CLYBL: variants seen among roughly 807,000 people sequenced by gnomAD.
CLYBL encodes citramalyl-CoA lyase, mitochondrial.
CLYBL carries 31 observed loss-of-function variants against 38.9 expected under a neutral mutation model. That is an observed-to-expected ratio of 0.80 (90% CI 0.60 to 1.08). CLYBL has a LOEUF of 1.08. CLYBL is among the 50% of genes least tolerant of loss of function. The pLI is 0.00. For missense variants in CLYBL, 434 were observed against 411.6 expected (o/e 1.05, Z -0.47); for synonymous variants, 171 against 158.6 (o/e 1.08, Z -0.59).
At chr13:99,881,589 ATTT>A (rs1017589977) in intron 7 of CLYBL, among the ~76,000 whole-genome samples, 2 of 136,238 alleles carry the variant, frequency 1.5e-5, no homozygotes, top group Non-Finnish European at 3.2e-5. Context: ...CATCCAGTTA[ATTT>A]TTTTTTTTTT....
intron 1 of CLYBL, among the ~76,000 whole-genome samples, chr13:99,637,715 G>A (rs1371098681): frequency 2.6e-5 from 4 of 152,146 alleles, no homozygotes; most frequent in African/African-American, 7.2e-5. Flanking sequence ...CTGAGATCGC[G>A]CCACTGCATT....
chr13:99,609,170 T>G (rs1372910724), intron 1 of CLYBL, among the ~76,000 whole-genome samples: 1 of 12,206 alleles, frequency 8.2e-5, no homozygotes, highest in Non-Finnish European at 2.5e-4. Context: ...CCTGTCTTTG[T>G]TTTTTTTTTT....
At chr13:99,722,835 C>T (rs1446651986) in intron 1 of CLYBL, among the ~76,000 whole-genome samples, 2 of 152,356 alleles carry the variant, frequency 1.3e-5, no homozygotes, top group African/African-American at 2.4e-5. Flanking sequence ...ACTGAGTTCC[C>T]ATGCCGCTTG....
chr13:99,775,615 C>T (rs745326100), intron 2 of CLYBL, among the ~76,000 whole-genome samples: 21 of 151,970 alleles, frequency 1.4e-4, no homozygotes, highest in Non-Finnish European at 2.5e-4. Context: ...CTCAAGCAGT[C>T]CTCCCACCTC....
chr13:99,693,658 G>A (rs1661948352), intron 1 of CLYBL, among the ~76,000 whole-genome samples: 1 of 151,938 alleles, frequency 6.6e-6, no homozygotes, highest in Non-Finnish European at 1.5e-5. Flanking sequence ...CCCAGTATTT[G>A]GGGGCACACT....
chr13:99,734,665 A>G (rs540332978), intron 1 of CLYBL, among the ~76,000 whole-genome samples: 1 of 152,314 alleles, frequency 6.6e-6, no homozygotes, highest in African/African-American at 2.4e-5. Flanking sequence ...TTATTTGTCC[A>G]TGGCTACACC....
chr13:99,824,178 C>A (rs1594205117), intron 2 of CLYBL, among the ~76,000 whole-genome samples: 1 of 152,086 alleles, frequency 6.6e-6, no homozygotes, highest in African/African-American at 2.4e-5. Flanking sequence ...CCAAGAGATT[C>A]CGGAATGGTT....
chr13:99,857,568 C>G (rs1038703486), intron 2 of CLYBL, among the ~76,000 whole-genome samples: 1 of 152,084 alleles, frequency 6.6e-6, no homozygotes, highest in African/African-American at 2.4e-5. Flanking sequence ...GGTACTCTTC[C>G]CATCTGACCC....
At chr13:99,726,069 T>A (rs950499572) in intron 1 of CLYBL, among the ~76,000 whole-genome samples, 22 of 152,230 alleles carry the variant, frequency 1.4e-4, no homozygotes. Flanking sequence ...TAAGGCAAGA[T>A]TTCAGAATTA....
intron 2 of CLYBL, among the ~76,000 whole-genome samples, chr13:99,843,569 A>G (rs2051132923): frequency 1.3e-5 from 2 of 152,118 alleles, no homozygotes; most frequent in African/African-American, 4.8e-5. Flanking sequence ...AATGAAATGA[A>G]CATATTAATG....
chr13:99,845,535 C>T (rs2051180244), intron 2 of CLYBL, among the ~76,000 whole-genome samples: 2 of 152,178 alleles, frequency 1.3e-5, no homozygotes, highest in Non-Finnish European at 2.9e-5. Flanking sequence ...GTGGAAAGCG[C>T]GATGGAAATC....
chr13:99,688,221 C>A (rs2047846359), intron 1 of CLYBL, among the ~76,000 whole-genome samples: 1 of 151,792 alleles, frequency 6.6e-6, no homozygotes, highest in African/African-American at 2.4e-5. Flanking sequence ...TTCCTTCCTT[C>A]ATACATTTTT....
intron 2 of CLYBL, among the ~76,000 whole-genome samples, chr13:99,793,653 A>T (rs1409669338): frequency 6.6e-6 from 1 of 152,178 alleles, no homozygotes; most frequent in Admixed American, 6.5e-5. Flanking sequence ...TAATGCAAGG[A>T]TTCAAATATC....
At position 99,728,280 on chromosome 13, in the gene CLYBL, CTTT is replaced by C. The variant is rs55834602; in HGVS notation, c.63-44530_63-44528del. 2.5e-3 allele frequency among the ~76,000 whole-genome samples: 266 copies of C among 107,646 alleles called. 1 individual carries two copies. The highest frequency in any genetic ancestry group is 7.2e-3 in the African/African-American group (241 of 33,364). The allele number at this position is 107,646 out of a possible 152,430, so 70.6% of individuals were successfully genotyped here. ...AATATACATATGTTTCTTTTCTTTT[CTTT>C]TTTTTTTTTTTTTGAGATGGAGTCT... On this transcript the variant is annotated intron_variant, in intron 1 of 8. Coordinates refer to ENST00000339105, the MANE Select transcript of CLYBL (RefSeq NM_206808.5).
chr13:99,698,347 T>C (rs893323132), intron 1 of CLYBL, among the ~76,000 whole-genome samples: 1 of 144,932 alleles, frequency 6.9e-6, no homozygotes, highest in East Asian at 2.0e-4. Flanking sequence ...TTTTTTTTTT[T>C]AATTGTTAAA....
chr13:99,811,305 A>C (rs989686886), intron 2 of CLYBL, among the ~76,000 whole-genome samples: 2 of 152,218 alleles, frequency 1.3e-5, no homozygotes, highest in African/African-American at 4.8e-5. Flanking sequence ...GCATGTCAAC[A>C]TGCCAAGTGG....
At chr13:99,815,417 T>G (rs550385746) in intron 2 of CLYBL, among the ~76,000 whole-genome samples, 1 of 152,098 alleles carries the variant, frequency 6.6e-6, no homozygotes, top group South Asian at 2.1e-4. Flanking sequence ...ATTAGCCAGA[T>G]GTAGCAAAAG....
chr13:99,840,822 C>T (rs1166212677), intron 2 of CLYBL, among the ~76,000 whole-genome samples: 1 of 149,454 alleles, frequency 6.7e-6, no homozygotes, highest in Non-Finnish European at 1.5e-5. Flanking sequence ...AACCGTATTC[C>T]CTACTGCCTT....
chr13:99,858,271 A>C (rs1178541265), intron 2 of CLYBL, among the ~76,000 whole-genome samples: 1 of 152,208 alleles, frequency 6.6e-6, no homozygotes, highest in Non-Finnish European at 1.5e-5. Context: ...AAGAAGTGGG[A>C]GCTTTTCTTG....
Sources: allele counts gnomAD v4.1 joint callset (sites outside exome capture counted in the v4.1 genomes callset), GRCh38; gene constraint gnomAD v4.1.1; transcripts MANE v1.5; gene names NCBI Gene and HGNC (gene_info 2026-07-23, HGNC 2026-07-21).